RORA: variants seen among roughly 807,000 people sequenced by gnomAD.
The protein encoded by RORA is nuclear receptor ROR-alpha.
In RORA, 7 loss-of-function variants were observed where a neutral mutation model predicts 69.5. The ratio of observed to expected loss-of-function variants is 0.10; its 90% CI spans 0.06 to 0.19. RORA has a LOEUF of 0.19. RORA is among the 10% of genes least tolerant of loss of function. RORA has a pLI of 1.00. For missense variants in RORA, 457 were observed against 663.0 expected (o/e 0.69, Z 3.41); for synonymous variants, 261 against 240.8 (o/e 1.08, Z -0.78).
At chr15:60,940,675 C>A (rs1171972131) in intron 1 of RORA, among the ~76,000 whole-genome samples, 1 of 152,186 alleles carries the variant, frequency 6.6e-6, no homozygotes, top group South Asian at 2.1e-4. Context: ...AGCCTGTAAT[C>A]CCAGCAGTTT....
intron 1 of RORA, among the ~76,000 whole-genome samples, chr15:60,898,500 AAAATAAATAAATAAATAAAT>A (rs59713870): frequency 1.4e-5 from 2 of 138,046 alleles, no homozygotes; most frequent in South Asian, 2.4e-4. Context: ...ATTGTCTCTA[AAAATAAATAAATAAATAAAT>A]AAATAAATAA....
At chr15:60,741,688 C>G (rs1166588793) in intron 1 of RORA, among the ~76,000 whole-genome samples, 2 of 152,160 alleles carry the variant, frequency 1.3e-5, no homozygotes, top group African/African-American at 4.8e-5. Flanking sequence ...GGCATGGGAG[C>G]CGCACCTCAT....
intron 1 of RORA, among the ~76,000 whole-genome samples, chr15:60,748,226 C>T (rs552741500): frequency 2.0e-5 from 3 of 149,780 alleles, no homozygotes; most frequent in South Asian, 4.2e-4. Flanking sequence ...TGTGTGTTTG[C>T]ACATGTGTGC....
intron 1 of RORA, among the ~76,000 whole-genome samples, chr15:60,842,575 G>A (rs2140404900): frequency 6.6e-6 from 1 of 152,298 alleles, no homozygotes; most frequent in Non-Finnish European, 1.5e-5. Context: ...AAGGCTGACA[G>A]TGGGTCAGTG....
At position 60,775,844 on chromosome 15, in the gene RORA, T is replaced by C. The variant is rs1595705825; in HGVS notation, c.167-97158A>G. Among the ~76,000 whole-genome samples the C allele has an allele frequency of 2.0e-5, 3 of 152,340 alleles. No individual in the cohort carries two copies. In the South Asian group the frequency reaches 6.2e-4, roughly 32 times the overall value. On this transcript the variant is annotated intron_variant, in intron 1 of 10. Transcript: ENST00000335670. ...AATTACTGACATAGAAGAATTGTCTTGTGAAGCACCCCGTCCTTTCATGGC... is the reference window on the plus strand; with the variant it reads ...AATTACTGACATAGAAGAATTGTCTCGTGAAGCACCCCGTCCTTTCATGGC...
chr15:61,086,074 A>G (rs974056364), intron 1 of RORA, among the ~76,000 whole-genome samples: 1 of 152,250 alleles, frequency 6.6e-6, no homozygotes, highest in Non-Finnish European at 1.5e-5. Context: ...ATAACTCCAA[A>G]GCAATAGGAA....
At chr15:61,044,503 T>C (rs1399070972) in intron 1 of RORA, among the ~76,000 whole-genome samples, 3 of 152,136 alleles carry the variant, frequency 2.0e-5, no homozygotes, top group African/African-American at 7.2e-5. Context: ...CACACCTGAG[T>C]TGGAAGTGAA....
chr15:60,876,308 A>G, intron 1 of RORA, among the ~76,000 whole-genome samples: 1 of 6,020 alleles, frequency 1.7e-4, no homozygotes, highest in Non-Finnish European at 4.1e-4. Flanking sequence ...CTCTTACAGG[A>G]AGTGGGGGGG....
intron 1 of RORA, among the ~76,000 whole-genome samples, chr15:61,036,415 G>A (rs529249664): frequency 2.6e-5 from 4 of 152,306 alleles, no homozygotes; most frequent in Non-Finnish European, 5.9e-5. Flanking sequence ...ATGTGCTTCA[G>A]GAAGCTTAAG....
intron 1 of RORA, among the ~76,000 whole-genome samples, chr15:60,851,386 A>G (rs558503223): frequency 2.6e-5 from 4 of 152,210 alleles, no homozygotes; most frequent in Admixed American, 2.0e-4. Flanking sequence ...CTGACACATT[A>G]GGGCCCCTGG....
At chr15:60,707,724 CCT>C (rs2071084368) in intron 1 of RORA, among the ~76,000 whole-genome samples, 1 of 152,254 alleles carries the variant, frequency 6.6e-6, no homozygotes, top group Admixed American at 6.5e-5. Context: ...TGACATAAAT[CCT>C]CTTTTAATAA....
chr15:60,859,209 G>A lies in RORA; in HGVS notation c.167-180523C>T, dbSNP rs551978804. 5.9e-5 allele frequency among the ~76,000 whole-genome samples: 9 copies of A among 152,256 alleles called. No homozygotes were observed. In the South Asian group the frequency reaches 1.2e-3, roughly 21 times the overall value. On this transcript the variant is annotated intron_variant, in intron 1 of 10. Coordinates refer to ENST00000335670, the MANE Select transcript of RORA (RefSeq NM_134261.3). ...ACCTAAATCCTTACCAGGGGTGCCT[G>A]TGGAATGGTTACTGTTTACCTGTCT...
intron 1 of RORA, among the ~76,000 whole-genome samples, chr15:60,869,051 A>AC (rs555777913): frequency 1.9e-3 from 283 of 151,860 alleles, no homozygotes; most frequent in African/African-American, 6.3e-3. Context: ...TCCATCAGGC[A>AC]CCCCCCCATT....
chr15:60,906,891 T>C (rs1891558781), intron 1 of RORA, among the ~76,000 whole-genome samples: 1 of 152,212 alleles, frequency 6.6e-6, no homozygotes, highest in African/African-American at 2.4e-5. Flanking sequence ...CTAAGAGCTG[T>C]ACATCTATAG....
chr15:60,924,642 A>G (rs1261482707), intron 1 of RORA, among the ~76,000 whole-genome samples: 1 of 152,212 alleles, frequency 6.6e-6, no homozygotes. Context: ...ACGAATACAC[A>G]GGAAAATTAA....
At chr15:61,198,080 G>A (rs1012964550) in intron 1 of RORA, among the ~76,000 whole-genome samples, 1 of 152,128 alleles carries the variant, frequency 6.6e-6, no homozygotes, top group African/African-American at 2.4e-5. Flanking sequence ...GGAAGCAAGT[G>A]AGACGCTCAT....
chr15:60,679,987 G>A (rs1020581735), intron 1 of RORA, among the ~76,000 whole-genome samples: 1 of 152,120 alleles, frequency 6.6e-6, no homozygotes, highest in African/African-American at 2.4e-5. Flanking sequence ...AGTGAAGTTA[G>A]AACCTTCTAA....
intron 2 of RORA, among the ~76,000 whole-genome samples, chr15:60,646,003 C>T (rs866657630): frequency 6.6e-6 from 1 of 152,140 alleles, no homozygotes; most frequent in Admixed American, 6.5e-5. Context: ...TTCGGGGCCT[C>T]GCCCGTATGC....
intron 1 of RORA, among the ~76,000 whole-genome samples, chr15:61,104,999 C>T (rs943772407): frequency 7.0e-6 from 1 of 142,522 alleles, no homozygotes; most frequent in African/African-American, 2.5e-5. Flanking sequence ...TGAGGCGCCC[C>T]CCCCACCGCC....
Sources: allele counts gnomAD v4.1 joint callset (sites outside exome capture counted in the v4.1 genomes callset), GRCh38; gene constraint gnomAD v4.1.1; transcripts MANE v1.5; gene names NCBI Gene and HGNC (gene_info 2026-07-23, HGNC 2026-07-21).